The following RIF1 variants were observed in gnomAD, a reference collection of about 807,000 sequenced individuals.
RIF1 encodes the protein replication timing regulatory factor 1.
Under a neutral mutation model 247.1 loss-of-function variants are expected in RIF1, and 45 were observed. That is an observed-to-expected ratio of 0.18 (90% CI 0.14 to 0.23). RIF1 has a LOEUF of 0.23. Among genes scored for constraint, RIF1 ranks in the 10% least tolerant of loss-of-function variants. The pLI, the probability that RIF1 is intolerant of heterozygous loss-of-function variation, is 1.00. For synonymous variants in RIF1, 1,087 were observed against 978.8 expected, an observed-to-expected ratio of 1.11 and a Z score of -2.06; for missense variants, 2,967 against 2,862.5, an observed-to-expected ratio of 1.04 and a Z score of -0.83.
chr2:151,487,202 A>G, intron 9 of RIF1, among the ~76,000 whole-genome samples: 1 of 152,094 alleles, frequency 6.6e-6, no homozygotes, highest in East Asian at 1.9e-4. Flanking sequence ...GTCATCTTTC[A>G]CTCTGGGAAT....
intron 7 of RIF1, among the ~76,000 whole-genome samples, chr2:151,422,440 T>A (rs906965825): frequency 2.0e-5 from 3 of 152,092 alleles, no homozygotes; most frequent in African/African-American, 7.2e-5. Flanking sequence ...TTAGAGCATT[T>A]ACTGTAAAAA....
chr2:151,473,630 G>A (rs954089583), intron 34 of RIF1, among the ~76,000 whole-genome samples: 4 of 151,892 alleles, frequency 2.6e-5, no homozygotes, highest in Non-Finnish European at 5.9e-5. Context: ...ATTTAAGCTT[G>A]GAAATCTCTG....
At chr2:151,438,420 A>G (rs538458343) in intron 13 of RIF1, among the ~76,000 whole-genome samples, 23 of 152,272 alleles carry the variant, frequency 1.5e-4, no homozygotes, top group South Asian at 4.1e-4. Flanking sequence ...TGAGGTGACA[A>G]TGAGCTATGA....
At chr2:151,453,348 G>A (rs1694646500) in intron 21 of RIF1, among the ~76,000 whole-genome samples, 1 of 152,194 alleles carries the variant, frequency 6.6e-6, no homozygotes, top group East Asian at 1.9e-4. Context: ...AGGCCGAGGT[G>A]GGTGGATCAC....
At position 151,428,912 on chromosome 2, in the gene RIF1, T is replaced by C. The variant is rs1689573813; in HGVS notation, c.915T>C (p.Ala305=). ...IAWKSLIDNF[A]LNPDILCSAK... Reference sequence around the variant, plus strand: ...GGAAGAGTTTAATAGATAATTTTGCTTTAAATCCAGGTAAGTAATATTTTA... The same window carrying C: ...GGAAGAGTTTAATAGATAATTTTGCCTTAAATCCAGGTAAGTAATATTTTA... The change falls in exon 9 of 36, where the codon GCT becomes GCC. Residue 305 remains alanine, a synonymous_variant. Transcript: ENST00000444746. 1.3e-5 allele frequency: 19 copies of C among 1,484,682 alleles called. No homozygotes were observed. In the East Asian group the frequency reaches 4.3e-4, roughly 34 times the overall value. The allele number at this position is 1,484,682 out of a possible 1,614,324, so 92.0% of individuals were successfully genotyped here. A position where few individuals can be genotyped will look rare whatever the true frequency, so the allele number is the denominator to read the frequency against.
At position 151,477,059 on chromosome 2, in the gene RIF1, T is replaced by A. The variant is rs2048963377; in HGVS notation, c.*1988T>A. ...TTTATATAAGCACAAGTATTAATTT[T>A]AAAAACATTATAGTTTAATAAAGCT... On this transcript the variant is annotated 3_prime_UTR_variant, in exon 36 of 36. Coordinates refer to ENST00000444746, the MANE Select transcript of RIF1 (RefSeq NM_018151.5). 1 of 152,208 alleles carries A rather than the reference T, an allele frequency of 6.6e-6. No individual in the cohort carries two copies. The highest frequency in any genetic ancestry group is 2.4e-5 in the African/African-American group (1 of 41,456). The allele number at this position is 152,208 out of a possible 1,614,324, so 9.4% of individuals were successfully genotyped here. A position where few individuals can be genotyped will look rare whatever the true frequency, so the allele number is the denominator to read the frequency against.
At chr2:151,425,633 T>C (rs1390737184) in intron 8 of RIF1, among the ~76,000 whole-genome samples, 1 of 151,338 alleles carries the variant, frequency 6.6e-6, no homozygotes, top group Non-Finnish European at 1.5e-5. Flanking sequence ...ACTGAAGAGG[T>C]TGTTTTTATT....
chr2:151,491,983 TC>T (rs2056975594), intron 9 of RIF1: 1 of 1,192,794 alleles, frequency 8.4e-7, no homozygotes, highest in Non-Finnish European at 1.2e-6. Flanking sequence ...TTCTTGCACC[TC>T]TAGAAAAACA....
intron 21 of RIF1, among the ~76,000 whole-genome samples, chr2:151,452,899 C>T (rs891428303): frequency 4.1e-4 from 62 of 152,152 alleles, no homozygotes; most frequent in African/African-American, 1.3e-3. Flanking sequence ...TTTTCCACTC[C>T]GTGTCCATGC....
At chr2:151,490,505 G>C in intron 9 of RIF1, 1 of 1,609,150 alleles carries the variant, frequency 6.2e-7, no homozygotes, top group Non-Finnish European at 8.5e-7. Context: ...CCCGGCTCCG[G>C]CGCTGAGCTT....
At chr2:151,525,937 G>A in the RIF1 span, 1 of 1,585,254 alleles carries the variant, frequency 6.3e-7, no homozygotes, top group South Asian at 1.1e-5. Flanking sequence ...GCTGCCAAGA[G>A]ACCGGTGGTT....
chr2:151,459,589 T>C (rs1695810643), intron 25 of RIF1, among the ~76,000 whole-genome samples: 1 of 152,184 alleles, frequency 6.6e-6, no homozygotes, highest in African/African-American at 2.4e-5. Context: ...GTAAAAGCTA[T>C]ATATTCTGTT....
At chr2:151,493,856 T>G in intron 9 of RIF1, 1 of 1,564,758 alleles carries the variant, frequency 6.4e-7, no homozygotes, top group Non-Finnish European at 8.7e-7. Flanking sequence ...CCAGGTTCTC[T>G]TTGTATAACA....
At chr2:151,433,338 A>G in intron 10 of RIF1, 110 bp downstream of exon 10, 2 of 738,226 alleles carry the variant, frequency 2.7e-6, no homozygotes, top group East Asian at 2.7e-5. Context: ...AGCAGACTAG[A>G]ACATATAAAA....
At chr2:151,467,880 T>C in intron 30 of RIF1, 120 bp from the exon 31 acceptor site, 1 of 868,056 alleles carries the variant, frequency 1.2e-6, no homozygotes, top group South Asian at 1.8e-5. Flanking sequence ...AGCTGACTTC[T>C]GGTGAAATAA....
At chr2:151,527,105 C>G in the RIF1 span, 3 of 878,012 alleles carry the variant, frequency 3.4e-6, no homozygotes, top group Non-Finnish European at 3.6e-6. Flanking sequence ...CACAGGGAGT[C>G]CTCTTAAGGA....
chr2:151,432,710 C>T (rs1375914724), intron 9 of RIF1, among the ~76,000 whole-genome samples: 1 of 152,086 alleles, frequency 6.6e-6, no homozygotes, highest in Non-Finnish European at 1.5e-5. Flanking sequence ...CAGGACTGTC[C>T]TGGTGTGGTG....
chr2:151,502,941 G>A, intron 11 of RIF1: 2 of 1,072,602 alleles, frequency 1.9e-6, no homozygotes, highest in Non-Finnish European at 2.8e-6. Flanking sequence ...AGAGAGTAAG[G>A]AAGGAAGGAA....
chr2:151,468,017 T>C lies in RIF1; in HGVS notation c.6618T>C (p.Phe2206=). ...GTTTTCAGGTTCGCCGTGTCTCCTT[T>C]GCAGATCCAATATACCAAGCAGGAT... ...SPVNKVRRVS[F]ADPIYQAGLA... Residue 2206 remains phenylalanine (F), a synonymous_variant, in exon 31 of 36, where the codon TTT becomes TTC. Coordinates refer to ENST00000444746, the MANE Select transcript of RIF1 (RefSeq NM_018151.5). 1 of 1,612,358 alleles carries C rather than the reference T, an allele frequency of 6.2e-7. No individual in the cohort carries two copies. Among genetic ancestry groups the C allele is most frequent in the African/African-American group, 1.3e-5 (1 of 74,940 alleles).
Sources: gnomAD v4.1 joint callset for allele counts (sites outside exome capture counted in the v4.1 genomes callset) on GRCh38, gnomAD v4.1.1 for gene constraint, MANE v1.5 for transcripts, NCBI Gene and HGNC (gene_info 2026-07-23, HGNC 2026-07-21) for gene names.